UST: variants seen among roughly 807,000 people sequenced by gnomAD.
UST encodes chondroitin sulfate 2-O-sulfotransferase.
A neutral mutation model predicts 45.6 loss-of-function variants in UST; 21 were observed. That is an observed-to-expected ratio of 0.46 (90% CI 0.33 to 0.66). The LOEUF (loss-of-function observed/expected upper bound fraction) is 0.66, where lower values mean the gene tolerates loss of function less well. UST is among the 30% of genes least tolerant of loss of function. UST has a pLI of 0.02. For missense variants in UST, 463 were observed against 512.4 expected (o/e 0.90, Z 0.93); for synonymous variants, 215 against 200.6 (o/e 1.07, Z -0.61).
intron 7 of UST, among the ~76,000 whole-genome samples, chr6:149,059,364 GTC>G (rs1178465381): frequency 6.6e-6 from 1 of 152,218 alleles, no homozygotes; most frequent in Non-Finnish European, 1.5e-5. Flanking sequence ...CATTAAGTTT[GTC>G]CGGCAGGGTG....
intron 5 of UST, among the ~76,000 whole-genome samples, chr6:149,017,373 T>TTA (rs1775918571): frequency 5.6e-5 from 8 of 143,924 alleles, no homozygotes; most frequent in African/African-American, 2.2e-4. Flanking sequence ...AGACTCTGTC[T>TTA]CAAAAAAAAA....
intron 1 of UST, among the ~76,000 whole-genome samples, chr6:148,824,742 A>G (rs1215631458): frequency 7.1e-6 from 1 of 141,048 alleles, no homozygotes; most frequent in African/African-American, 2.7e-5. Context: ...GGTTAGTTAC[A>G]TATGTATACA....
At chr6:148,989,896 A>G (rs1476874745) in intron 5 of UST, among the ~76,000 whole-genome samples, 2 of 152,198 alleles carry the variant, frequency 1.3e-5, no homozygotes, top group African/African-American at 4.8e-5. Flanking sequence ...TCCTTTGTTC[A>G]TTCCATCCCT....
intron 1 of UST, among the ~76,000 whole-genome samples, chr6:148,859,962 G>C (rs1778276701): frequency 6.6e-6 from 1 of 152,216 alleles, no homozygotes; most frequent in South Asian, 2.1e-4. Context: ...GCTTAGGATT[G>C]TCTTGGCAAT....
intron 5 of UST, among the ~76,000 whole-genome samples, chr6:149,007,119 T>G (rs1379060084): frequency 2.6e-5 from 2 of 77,314 alleles, no homozygotes; most frequent in Non-Finnish European, 5.7e-5. Context: ...GGCAAGCTTT[T>G]TTTTTTTTTT....
At chr6:148,800,997 C>G (rs940083172) in intron 1 of UST, among the ~76,000 whole-genome samples, 43 of 152,216 alleles carry the variant, frequency 2.8e-4, no homozygotes, top group African/African-American at 9.1e-4. Context: ...ATTCAAAGAG[C>G]AACTTTTTTG....
intron 7 of UST, among the ~76,000 whole-genome samples, chr6:149,023,278 T>C (rs1441994364): frequency 6.6e-6 from 1 of 152,166 alleles, no homozygotes; most frequent in East Asian, 1.9e-4. Flanking sequence ...TTTGTTACTG[T>C]CTGCTCAGTC....
chr6:148,949,754 G>T (rs1363529237), intron 3 of UST, among the ~76,000 whole-genome samples: 1 of 152,066 alleles, frequency 6.6e-6, no homozygotes, highest in East Asian at 1.9e-4. Context: ...ACCTTGAGTA[G>T]GCTTTCTAGG....
At chr6:148,807,514 T>C (rs893581525) in intron 1 of UST, among the ~76,000 whole-genome samples, 1 of 152,108 alleles carries the variant, frequency 6.6e-6, no homozygotes, top group Non-Finnish European at 1.5e-5. Context: ...CTAGTATGTG[T>C]GCAGTAAATA....
intron 5 of UST, among the ~76,000 whole-genome samples, chr6:148,980,877 G>A (rs1200456148): frequency 5.9e-5 from 9 of 151,828 alleles, no homozygotes; most frequent in African/African-American, 1.9e-4. Context: ...AAGCCACCAC[G>A]CCTGACTAAT....
At chr6:148,917,506 T>C (rs1407431528) in intron 2 of UST, among the ~76,000 whole-genome samples, 2 of 152,184 alleles carry the variant, frequency 1.3e-5, no homozygotes, top group Admixed American at 6.5e-5. Context: ...TTACGTGGCG[T>C]GCTGTTAAAA....
intron 1 of UST, among the ~76,000 whole-genome samples, chr6:148,779,908 A>G (rs971377534): frequency 4.6e-5 from 7 of 151,980 alleles, no homozygotes; most frequent in African/African-American, 1.7e-4. Flanking sequence ...CTGTGAGTGG[A>G]GTTCTTGGAG....
intron 4 of UST, 48 bp downstream of exon 4, chr6:148,953,999 C>A: frequency 7.1e-7 from 1 of 1,415,492 alleles, no homozygotes; most frequent in Non-Finnish European, 9.8e-7. Flanking sequence ...TTCTAATGAA[C>A]AGTTACTTTA....
intron 1 of UST, among the ~76,000 whole-genome samples, chr6:148,861,108 C>T (rs928650677): frequency 8.5e-5 from 13 of 152,072 alleles, no homozygotes; most frequent in Non-Finnish European, 1.6e-4. Flanking sequence ...AGAATTCAGA[C>T]GTGAATTCGT....
intron 5 of UST, among the ~76,000 whole-genome samples, chr6:148,971,998 G>A (rs927351928): frequency 1.2e-4 from 19 of 152,220 alleles, no homozygotes; most frequent in Non-Finnish European, 4.4e-5. Context: ...CATGTGCAAA[G>A]AGCAGCTCCA....
At chr6:149,010,226 C>A (rs933523567) in intron 5 of UST, among the ~76,000 whole-genome samples, 6 of 152,130 alleles carry the variant, frequency 3.9e-5, no homozygotes, top group Non-Finnish European at 2.9e-5. Flanking sequence ...GAAATAGAAG[C>A]AACCAGTTTG....
chr6:149,074,170 T>A lies in UST; in HGVS notation c.*54T>A. The stretch of plus-strand genomic sequence containing the variant: ...CTCCCTTTTCCAGAAAGTTCTTTGT[T>A]TGGGGAAGTAAAATCCTTAAGGGAC... On this transcript the variant is annotated 3_prime_UTR_variant, in exon 8 of 8. Coordinates refer to ENST00000367463, the MANE Select transcript of UST (RefSeq NM_005715.3). The A allele has an allele frequency of 1.9e-6, 3 of 1,576,772 alleles. No individual in the cohort carries two copies. Among genetic ancestry groups the A allele is most frequent in the Non-Finnish European group, 2.6e-6 (3 of 1,157,932 alleles).
chr6:148,825,812 A>G (rs72999174), intron 1 of UST, among the ~76,000 whole-genome samples: 7,724 of 152,282 alleles, frequency 0.051, 289 homozygotes, highest in East Asian at 0.16. Context: ...AGAAGGCTCT[A>G]GAATAATGTG....
chr6:148,855,284 C>T (rs971733142), intron 1 of UST, among the ~76,000 whole-genome samples: 13 of 152,192 alleles, frequency 8.5e-5, no homozygotes, highest in African/African-American at 3.1e-4. Flanking sequence ...ACAGTCATTG[C>T]TTTGCAGCCT....
Sources: allele counts gnomAD v4.1 joint callset (sites outside exome capture counted in the v4.1 genomes callset), GRCh38; gene constraint gnomAD v4.1.1; transcripts MANE v1.5; gene names NCBI Gene and HGNC (gene_info 2026-07-23, HGNC 2026-07-21).